The following GRM5 variants were observed in gnomAD, a reference collection of about 807,000 sequenced individuals.
GRM5 encodes the protein glutamate metabotropic receptor 5.
In GRM5, 19 loss-of-function variants were observed where a neutral mutation model predicts 83.1. The observed-to-expected ratio is 0.23, with a 90% CI of 0.16 to 0.34. The LOEUF is 0.34. GRM5 is among the 10% of genes least tolerant of loss of function. GRM5 has a pLI of 1.00. For missense variants in GRM5, 1,160 were observed against 1,588.3 expected, an observed-to-expected ratio of 0.73 and a Z score of 4.58; for synonymous variants, 675 against 633.6, an observed-to-expected ratio of 1.07 and a Z score of -0.98.
intron 8 of GRM5, among the ~76,000 whole-genome samples, chr11:88,565,127 TC>T (rs1261477715): frequency 6.6e-6 from 1 of 151,064 alleles, no homozygotes; most frequent in Non-Finnish European, 1.5e-5. Context: ...CTCCATTTTT[TC>T]GGAGGAAGAA....
At chr11:89,022,505 A>T (rs7101403) in intron 2 of GRM5, among the ~76,000 whole-genome samples, 1 of 145,682 alleles carries the variant, frequency 6.9e-6, no homozygotes, top group South Asian at 2.2e-4. Context: ...AAAAAAAAAT[A>T]GACAGACGTT....
intron 3 of GRM5, among the ~76,000 whole-genome samples, chr11:88,835,892 C>T (rs1027820190): frequency 1.3e-5 from 2 of 151,984 alleles, no homozygotes; most frequent in South Asian, 2.1e-4. Context: ...CATTATGTTC[C>T]AGGATGTTGA....
intron 3 of GRM5, among the ~76,000 whole-genome samples, chr11:88,662,999 A>C (rs1299940203): frequency 7.9e-5 from 12 of 152,206 alleles, no homozygotes; most frequent in Non-Finnish European, 1.6e-4. Flanking sequence ...AGAAAGTATG[A>C]AATAATACAC....
In GRM5 at chr11:88,807,035, T is replaced by A. The variant is rs536035326; in HGVS notation, c.911+42871A>T. 2.0e-4 allele frequency among the ~76,000 whole-genome samples: 30 copies of A among 152,322 alleles called. 1 individual carries two copies. The South Asian group carries it at 5.8e-3, about 29-fold the overall frequency. ...AAACAAGGTTTTACTTTCCCTAGGCTGTATTTGCATTTTATTTTATGTTGT... is the reference window on the plus strand; with the variant it reads ...AAACAAGGTTTTACTTTCCCTAGGCAGTATTTGCATTTTATTTTATGTTGT... On this transcript the variant is annotated intron_variant, in intron 3 of 9. Coordinates refer to ENST00000305447, the MANE Select transcript of GRM5 (RefSeq NM_001143831.3).
At chr11:88,928,793 T>C (rs1210886257) in intron 2 of GRM5, among the ~76,000 whole-genome samples, 1 of 151,940 alleles carries the variant, frequency 6.6e-6, no homozygotes, top group Non-Finnish European at 1.5e-5. Context: ...GTGTAACATA[T>C]ACCAACATAT....
chr11:88,964,727 T>C (rs1373822800), intron 2 of GRM5, among the ~76,000 whole-genome samples: 1 of 152,154 alleles, frequency 6.6e-6, no homozygotes, highest in African/African-American at 2.4e-5. Flanking sequence ...AGAGAGAAGT[T>C]CTTCAAGATA....
intron 2 of GRM5, among the ~76,000 whole-genome samples, chr11:89,044,654 T>C (rs1181982122): frequency 2.6e-5 from 4 of 152,058 alleles, no homozygotes; most frequent in African/African-American, 9.7e-5. Flanking sequence ...TCCATACTCT[T>C]CAAGAAAGAG....
Position 88,833,246 on chromosome 11 carries a change from A to T in GRM5, c.911+16660T>A, listed in dbSNP as rs185522232. Among the ~76,000 whole-genome samples, 7 of 152,222 alleles carry T rather than the reference A, an allele frequency of 4.6e-5. No homozygotes were observed. In the East Asian group the frequency reaches 1.2e-3, roughly 25 times the overall value. On this transcript the variant is annotated intron_variant, in intron 3 of 9. Coordinates refer to ENST00000305447, the MANE Select transcript of GRM5 (RefSeq NM_001143831.3). The stretch of plus-strand genomic sequence containing the variant: ...AAGAGAGTAATATTTAGTATATACA[A>T]GGAACTTAACAGCTTAAAAAAAAAA...
chr11:88,832,825 A>G (rs958048229), intron 3 of GRM5, among the ~76,000 whole-genome samples: 1 of 152,190 alleles, frequency 6.6e-6, no homozygotes, highest in Non-Finnish European at 1.5e-5. Context: ...TTTTTTATCC[A>G]AATGATTTTT....
chr11:88,570,571 A>ATATATATATATATATATTTTT (rs1405339448), intron 7 of GRM5, among the ~76,000 whole-genome samples: 4 of 46,374 alleles, frequency 8.6e-5, no homozygotes, highest in Admixed American at 2.9e-4. Context: ...ATATATATAT[A>ATATATATATATATATATTTTT]TTTTTTTTTT....
intron 9 of GRM5, among the ~76,000 whole-genome samples, chr11:88,520,811 C>G (rs1941659433): frequency 6.6e-6 from 1 of 152,142 alleles, no homozygotes; most frequent in African/African-American, 2.4e-5. Flanking sequence ...TGACATGACT[C>G]TTACCAAATT....
At chr11:88,811,102 GT>G (rs145179116) in intron 3 of GRM5, among the ~76,000 whole-genome samples, 1 of 151,282 alleles carries the variant, frequency 6.6e-6, no homozygotes, top group African/African-American at 2.4e-5. Context: ...ACCTTTTTTT[GT>G]TTTTTTTCCA....
Position 88,956,678 on chromosome 11 carries a change from G to C in GRM5, c.661+90534C>G, listed in dbSNP as rs934867158. Reference sequence around the variant, plus strand: ...AAAATTAGCCGGGCGCGGTGGCGGGGGCCTGTAGTCCCAGCTCCTCGAGAG... The same window carrying C: ...AAAATTAGCCGGGCGCGGTGGCGGGCGCCTGTAGTCCCAGCTCCTCGAGAG... On this transcript the variant is annotated intron_variant, in intron 2 of 9. Transcript: ENST00000305447. 1.2e-4 allele frequency among the ~76,000 whole-genome samples: 18 copies of C among 152,220 alleles called. 1 individual carries two copies. Among genetic ancestry groups the C allele is most frequent in the African/African-American group, 3.4e-4 (14 of 41,548 alleles).
intron 3 of GRM5, among the ~76,000 whole-genome samples, chr11:88,668,303 AC>A (rs1940103519): frequency 7.6e-6 from 1 of 132,112 alleles, no homozygotes. Flanking sequence ...ACTCGCACAC[AC>A]ACACACACAC....
At chr11:88,517,042 G>A (rs1037676590) in intron 9 of GRM5, among the ~76,000 whole-genome samples, 2 of 151,198 alleles carry the variant, frequency 1.3e-5, no homozygotes, top group African/African-American at 4.9e-5. Flanking sequence ...GATTAATTGT[G>A]TACCCAATTA....
Position 88,588,410 on chromosome 11 carries a change from T to C in GRM5, c.1690+2191A>G, listed in dbSNP as rs116773085. ...GTCATTAAAAAAAGACCTGAATTCT[T>C]CCTGAAAAAATAGCAAGATCAAAAG... On this transcript the variant is annotated intron_variant, in intron 7 of 9. Transcript: ENST00000305447. 7.3e-3 allele frequency among the ~76,000 whole-genome samples: 1,117 copies of C among 152,178 alleles called. 11 individuals carry two copies. The highest frequency in any genetic ancestry group is 0.026 in the African/African-American group (1,079 of 41,522).
intron 9 of GRM5, among the ~76,000 whole-genome samples, chr11:88,513,225 T>A (rs1264593397): frequency 6.6e-6 from 1 of 152,212 alleles, no homozygotes; most frequent in Non-Finnish European, 1.5e-5. Context: ...TCTCACCTGC[T>A]TGATGGGACA....
At chr11:88,973,514 G>A (rs1489053966) in intron 2 of GRM5, among the ~76,000 whole-genome samples, 1 of 152,088 alleles carries the variant, frequency 6.6e-6, no homozygotes, top group Non-Finnish European at 1.5e-5. Flanking sequence ...GATGGAGGCA[G>A]AAATTGGGTT....
At chr11:88,649,398 A>G (rs1426993764) in intron 4 of GRM5, among the ~76,000 whole-genome samples, 1 of 142,376 alleles carries the variant, frequency 7.0e-6, no homozygotes, top group African/African-American at 2.6e-5. Flanking sequence ...TATATTATAT[A>G]TTGCATATAT....
Sources: allele counts gnomAD v4.1 joint callset (sites outside exome capture counted in the v4.1 genomes callset), GRCh38; gene constraint gnomAD v4.1.1; transcripts MANE v1.5; gene names NCBI Gene and HGNC (gene_info 2026-07-23, HGNC 2026-07-21).